CCDC102B: variants seen among roughly 807,000 people sequenced by gnomAD.
CCDC102B encodes coiled-coil domain-containing protein 102B.
A neutral mutation model predicts 57.4 loss-of-function variants in CCDC102B; 75 were observed. That is an observed-to-expected ratio of 1.31 (90% CI 1.08 to 1.58). CCDC102B has a LOEUF of 1.58. Among genes scored for constraint, CCDC102B ranks in the 40% most tolerant of loss-of-function variants. CCDC102B has a pLI of 0.00. For missense variants in CCDC102B, 636 were observed against 582.6 expected (o/e 1.09, Z -0.94); for synonymous variants, 206 against 201.9 (o/e 1.02, Z -0.17).
At chr18:68,885,065 A>G (rs964157982) in intron 5 of CCDC102B, among the ~76,000 whole-genome samples, 1 of 151,980 alleles carries the variant, frequency 6.6e-6, no homozygotes, top group Non-Finnish European at 1.5e-5. Flanking sequence ...TCTATCTAAT[A>G]TCCAAACAGC....
chr18:68,895,799 A>G (rs2156061), intron 5 of CCDC102B, among the ~76,000 whole-genome samples: 61,921 of 151,608 alleles, frequency 0.41, 13,842 homozygotes, highest in East Asian at 0.7. Flanking sequence ...GAATTAGACA[A>G]TGAGTAAATG....
intron 1 of CCDC102B, among the ~76,000 whole-genome samples, chr18:68,798,963 T>C (rs72958047): frequency 0.14 from 20,824 of 151,986 alleles, 1,645 homozygotes; most frequent in East Asian, 0.34. Context: ...ATTAGAAATA[T>C]GTCAGTAACA....
intron 6 of CCDC102B, among the ~76,000 whole-genome samples, chr18:68,913,469 A>T (rs570815359): frequency 3.9e-5 from 6 of 152,142 alleles, no homozygotes; most frequent in African/African-American, 1.4e-4. Flanking sequence ...CAACATGGTG[A>T]AACCCTGTCT....
At chr18:68,757,341 A>G (rs539461744) in intron 2 of CCDC102B, among the ~76,000 whole-genome samples, 1 of 152,208 alleles carries the variant, frequency 6.6e-6, no homozygotes, top group African/African-American at 2.4e-5. Flanking sequence ...AGGAATCCTT[A>G]TAAGATAAAA....
chr18:68,821,453 C>A (rs939624331), intron 1 of CCDC102B, among the ~76,000 whole-genome samples: 1 of 151,178 alleles, frequency 6.6e-6, no homozygotes, highest in Non-Finnish European at 1.5e-5. Context: ...TTTCCTAATT[C>A]TTTAATTAGA....
At chr18:68,884,583 TACAC>T (rs35333428) in intron 5 of CCDC102B, among the ~76,000 whole-genome samples, 40,123 of 147,824 alleles carry the variant, frequency 0.27, 6,142 homozygotes, top group Non-Finnish European at 0.36. Context: ...ACAATACAAA[TACAC>T]ACACACACAC....
rs200854578 is a variant in CCDC102B, at chr18:68,854,105, T to C, written c.936+7684T>C. 8.3e-5 allele frequency among the ~76,000 whole-genome samples: 12 copies of C among 144,016 alleles called. No individual in the cohort carries two copies. The East Asian group carries it at 1.4e-3, about 17-fold the overall frequency. 94.5% of individuals were successfully genotyped at this position (144,016 alleles called of 152,430 possible). A position where few individuals can be genotyped will look rare whatever the true frequency, so the allele number is the denominator to read the frequency against. ...TACTTTTTCTTGTTTTTTTTTTTTT[T>C]CTTTTTATTTTTGAGACGGAGTTCC... On this transcript the variant is annotated intron_variant, in intron 4 of 7. Transcript: ENST00000360242.
At chr18:69,047,518 A>G (rs898382985) in intron 7 of CCDC102B, among the ~76,000 whole-genome samples, 3 of 152,118 alleles carry the variant, frequency 2.0e-5, no homozygotes, top group Non-Finnish European at 4.4e-5. Context: ...CCTATTCAAC[A>G]TAGTATGAGA....
chr18:68,861,508 G>T (rs1213071540), intron 4 of CCDC102B, among the ~76,000 whole-genome samples: 1 of 152,096 alleles, frequency 6.6e-6, no homozygotes, highest in Non-Finnish European at 1.5e-5. Flanking sequence ...CTTGTTAGAT[G>T]AGACCAGAGT....
At position 69,014,978 on chromosome 18, in the gene CCDC102B, A is replaced by AGAGAGTGTGTGTGTGTGTGTGTGT. The variant is rs139377520; in HGVS notation, c.1434+3875_1434+3876insAGAGTGTGTGTGTGTGTGTGTGTG. On this transcript the variant is annotated intron_variant, in intron 7 of 7. Coordinates refer to ENST00000360242, the MANE Select transcript of CCDC102B (RefSeq NM_024781.3). ...GTGAATGAGAGAGAGAGAGAGAGAG[A>AGAGAGTGTGTGTGTGTGTGTGTGT]GTGTGTGTGTGTGTGTGTGTGTGTG... Among the ~76,000 whole-genome samples the AGAGAGTGTGTGTGTGTGTGTGTGT allele has an allele frequency of 9.3e-5, 13 of 139,428 alleles. No individual in the cohort carries two copies. The East Asian group carries it at 1.3e-3, about 14-fold the overall frequency. The allele number at this position is 139,428 out of a possible 152,430, so 91.5% of individuals were successfully genotyped here.
intron 2 of CCDC102B, among the ~76,000 whole-genome samples, chr18:68,723,532 C>A (rs2032454863): frequency 6.6e-6 from 1 of 152,200 alleles, no homozygotes; most frequent in Admixed American, 6.5e-5. Context: ...ATAAATACAA[C>A]CATTCCAAAT....
chr18:68,758,326 A>G (rs1330287299), intron 2 of CCDC102B, among the ~76,000 whole-genome samples: 2 of 151,896 alleles, frequency 1.3e-5, no homozygotes, highest in Non-Finnish European at 2.9e-5. Flanking sequence ...TGGTGTCTAT[A>G]CACATTATTT....
At position 68,746,282 on chromosome 18, in the gene CCDC102B, C is replaced by A. The variant is rs1195452011; in HGVS notation, c.-67+29688C>A. On this transcript the variant is annotated intron_variant, in intron 2 of 3. Coordinates refer to the CCDC102B transcript ENST00000578970. ...TACTTTAACTATTTCTGAATGCTAT[C>A]CATCACGTGACAAGGTGATAAAACA... Among the ~76,000 whole-genome samples the A allele has an allele frequency of 3.3e-5, 5 of 152,124 alleles. 1 individual carries two copies. Among genetic ancestry groups the A allele is most frequent in the Non-Finnish European group, 5.9e-5 (4 of 68,000 alleles).
chr18:68,804,113 G>T (rs1323538603), intron 1 of CCDC102B, among the ~76,000 whole-genome samples: 1 of 152,158 alleles, frequency 6.6e-6, no homozygotes, highest in Non-Finnish European at 1.5e-5. Context: ...TTGTAATTCT[G>T]CATAGGCTGT....
chr18:69,048,706 G>C (rs1568149507), intron 7 of CCDC102B, among the ~76,000 whole-genome samples: 1 of 151,314 alleles, frequency 6.6e-6, no homozygotes, highest in Non-Finnish European at 1.5e-5. Context: ...TCTCCATCAG[G>C]GTGCTTAAAA....
chr18:68,753,276 A>G (rs2033930920), intron 2 of CCDC102B: 1 of 151,998 alleles, frequency 6.6e-6, no homozygotes, highest in African/African-American at 2.4e-5. Context: ...CTTGAGAAAC[A>G]TTTTCTTTAA....
chr18:69,009,924 A>ATTTTTTGTTTTTTTTTTTTTT (rs2051457990), intron 6 of CCDC102B, among the ~76,000 whole-genome samples: 1 of 33,514 alleles, frequency 3.0e-5, no homozygotes, highest in African/African-American at 8.3e-5. Flanking sequence ...TTTAATAAAG[A>ATTTTTTGTTTTTTTTTTTTTT]TTTTTTTTTT....
intron 2 of CCDC102B, among the ~76,000 whole-genome samples, chr18:68,718,571 C>T (rs1013546709): frequency 2.6e-5 from 4 of 152,124 alleles, no homozygotes; most frequent in African/African-American, 9.7e-5. Context: ...CTGTACCTTT[C>T]GGGTTTCTGT....
chr18:69,049,203 CT>C (rs1369966665), intron 7 of CCDC102B, among the ~76,000 whole-genome samples: 1 of 151,898 alleles, frequency 6.6e-6, no homozygotes, highest in Non-Finnish European at 1.5e-5. Flanking sequence ...CCCCTACCCC[CT>C]GACAGGCCCT....
Sources: allele counts gnomAD v4.1 joint callset (sites outside exome capture counted in the v4.1 genomes callset), GRCh38; gene constraint gnomAD v4.1.1; transcripts MANE v1.5; gene names NCBI Gene and HGNC (gene_info 2026-07-23, HGNC 2026-07-21).